ROBO2: variants seen among roughly 807,000 people sequenced by gnomAD.
ROBO2 encodes roundabout homolog 2.
In ROBO2, 53 loss-of-function variants were observed where a neutral mutation model predicts 160.8. That is an observed-to-expected ratio of 0.33 (90% CI 0.26 to 0.41). ROBO2 has a LOEUF of 0.41. ROBO2 is among the 10% of genes least tolerant of loss of function. ROBO2 has a pLI of 1.00. For missense variants in ROBO2, 1,577 were observed against 1,722.4 expected, an observed-to-expected ratio of 0.92 and a Z score of 1.49; for synonymous variants, 664 against 611.7, an observed-to-expected ratio of 1.09 and a Z score of -1.26.
chr3:77,319,738 A>G (rs1429063946), intron 2 of ROBO2, among the ~76,000 whole-genome samples: 2 of 152,168 alleles, frequency 1.3e-5, no homozygotes, highest in African/African-American at 4.8e-5. Context: ...GCTATGTCAT[A>G]ATGTCTGCAT....
intron 2 of ROBO2, among the ~76,000 whole-genome samples, chr3:76,531,148 A>G (rs1304863140): frequency 5.3e-5 from 8 of 152,228 alleles, no homozygotes. Context: ...AAAGAAGTAT[A>G]TATCAAGAAC....
intron 2 of ROBO2, among the ~76,000 whole-genome samples, chr3:76,441,112 A>C (rs2076907000): frequency 6.6e-6 from 1 of 152,194 alleles, no homozygotes; most frequent in South Asian, 2.1e-4. Context: ...TTCCAAAAAA[A>C]AAGTCAACCA....
chr3:77,623,331 C>T (rs781409345), intron 23 of ROBO2, among the ~76,000 whole-genome samples: 31 of 152,144 alleles, frequency 2.0e-4, no homozygotes, highest in Non-Finnish European at 4.3e-4. Flanking sequence ...CTGTATTTAC[C>T]GTGATGACAT....
intron 2 of ROBO2, among the ~76,000 whole-genome samples, chr3:76,181,951 T>A (rs1036342321): frequency 6.6e-6 from 1 of 152,166 alleles, no homozygotes; most frequent in African/African-American, 2.4e-5. Flanking sequence ...TTCAATTTTA[T>A]GTATTCATAT....
At chr3:77,268,297 C>A (rs903314590) in intron 2 of ROBO2, among the ~76,000 whole-genome samples, 1 of 151,982 alleles carries the variant, frequency 6.6e-6, no homozygotes, top group Non-Finnish European at 1.5e-5. Flanking sequence ...CATGTAGAAG[C>A]AAGTTTTTAT....
intron 2 of ROBO2, among the ~76,000 whole-genome samples, chr3:76,622,310 G>GAAAGAAAGAAAGA (rs1174750934): frequency 7.1e-6 from 1 of 141,654 alleles, no homozygotes; most frequent in African/African-American, 2.7e-5. Flanking sequence ...AAGAAAGAAA[G>GAAAGAAAGAAAGA]AAAACATAGC....
At chr3:77,426,691 A>C (rs943184045) in intron 2 of ROBO2, among the ~76,000 whole-genome samples, 1 of 133,652 alleles carries the variant, frequency 7.5e-6, no homozygotes, top group African/African-American at 2.8e-5. Context: ...GAAGGAAGGA[A>C]GGAAGGAAGG....
chr3:77,240,278 T>A (rs1400227392), intron 2 of ROBO2, among the ~76,000 whole-genome samples: 1 of 152,000 alleles, frequency 6.6e-6, no homozygotes. Context: ...GTGGCGCGGG[T>A]GGGCTGGCAG....
At chr3:76,282,943 A>G (rs1308922450) in intron 2 of ROBO2, among the ~76,000 whole-genome samples, 3 of 151,012 alleles carry the variant, frequency 2.0e-5, no homozygotes, top group African/African-American at 7.3e-5. Context: ...ATTTTATTGA[A>G]GGGATTACAG....
At chr3:77,634,874 A>C in exon 24 of ROBO2, 1 of 1,614,010 alleles carries the variant, frequency 6.2e-7, no homozygotes, top group Non-Finnish European at 8.5e-7. Flanking sequence ...TTTTAGGAAA[A>C]GCCTTTACCT....
intron 23 of ROBO2, chr3:77,633,207 G>T (rs1476154537): frequency 1.3e-5 from 2 of 152,084 alleles, no homozygotes; most frequent in African/African-American, 4.8e-5. Flanking sequence ...TTGTCTTAAA[G>T]GATGCTAATT....
intron 2 of ROBO2, among the ~76,000 whole-genome samples, chr3:76,973,878 G>C (rs2059688489): frequency 6.6e-6 from 1 of 152,146 alleles, no homozygotes; most frequent in African/African-American, 2.4e-5. Context: ...GACTACATCT[G>C]ATAAGCTGCC....
Position 76,387,907 on chromosome 3 carries a change from G to A in ROBO2, c.109+450305G>A, listed in dbSNP as rs545429765. On this transcript the variant is annotated intron_variant, in intron 2 of 26. Transcript: ENST00000487694. ...TTATGGGTTTTACTAGTAAGACAGA[G>A]GGCAGTTATATGAAAAATTAGAAGC... Among the ~76,000 whole-genome samples the A allele has an allele frequency of 2.9e-4, 44 of 152,274 alleles. 2 individuals carry two copies. In the South Asian group the frequency reaches 6.2e-3, roughly 21 times the overall value.
chr3:76,418,756 G>A (rs540683618), intron 2 of ROBO2, among the ~76,000 whole-genome samples: 17 of 149,546 alleles, frequency 1.1e-4, no homozygotes, highest in African/African-American at 4.0e-4. Context: ...AAATAATCAC[G>A]TGTACTCTTT....
In ROBO2 at chr3:75,980,904, T is replaced by C. The variant is rs564808076; in HGVS notation, c.109+43302T>C. Among the ~76,000 whole-genome samples, 29 of 58,140 alleles carry C rather than the reference T, an allele frequency of 5.0e-4. 1 individual carries two copies. Among genetic ancestry groups the C allele is most frequent in the African/African-American group, 1.0e-3 (28 of 27,286 alleles). 38.1% of individuals were successfully genotyped at this position (58,140 alleles called of 152,430 possible). On this transcript the variant is annotated intron_variant, in intron 2 of 26. Transcript: ENST00000487694. ...ACATGCATTATGAGATACACATTGA[T>C]GTTAAAATAAATATTTACACTTCTA... is the stretch of plus-strand genomic sequence containing the variant.
At chr3:76,241,132 T>G (rs1705257804) in intron 2 of ROBO2, among the ~76,000 whole-genome samples, 1 of 152,178 alleles carries the variant, frequency 6.6e-6, no homozygotes, top group Admixed American at 6.5e-5. Context: ...GGTAGCGTGG[T>G]TATCTGTGAT....
intron 2 of ROBO2, among the ~76,000 whole-genome samples, chr3:76,230,140 C>T (rs1416336905): frequency 1.3e-5 from 2 of 152,066 alleles, no homozygotes; most frequent in African/African-American, 4.8e-5. Context: ...TAACTTGATA[C>T]CCACACATCT....
At chr3:76,285,527 G>C (rs549559484) in intron 2 of ROBO2, among the ~76,000 whole-genome samples, 1 of 152,078 alleles carries the variant, frequency 6.6e-6, no homozygotes, top group African/African-American at 2.4e-5. Flanking sequence ...GACCTCAAGA[G>C]CTTGAAGAAA....
chr3:76,281,659 A>G (rs1554210), intron 2 of ROBO2, among the ~76,000 whole-genome samples: 3,731 of 151,894 alleles, frequency 0.025, 61 homozygotes, highest in South Asian at 0.065. Context: ...ATTCTTAGAT[A>G]CCGGACAAAA....
Sources: allele counts gnomAD v4.1 joint callset (sites outside exome capture counted in the v4.1 genomes callset), GRCh38; gene constraint gnomAD v4.1.1; transcripts MANE v1.5; gene names NCBI Gene and HGNC (gene_info 2026-07-23, HGNC 2026-07-21).